Variants in GFRAL observed in about 807,000 individuals in gnomAD.
GFRAL encodes the protein GDNF family receptor alpha like, also known as GDNF family receptor alpha-like.
In GFRAL, 36 loss-of-function variants were observed where a neutral mutation model predicts 45.4. The ratio of observed to expected loss-of-function variants is 0.79; its 90% CI spans 0.61 to 1.05. The LOEUF is 1.05. Ranked by LOEUF, GFRAL falls within the 50% of genes least tolerant of loss-of-function variation. GFRAL has a pLI of 0.00. For missense variants in GFRAL, 507 were observed against 467.5 expected (o/e 1.08, Z -0.78); for synonymous variants, 166 against 154.1 (o/e 1.08, Z -0.57).
At chr6:55,375,875 C>T (rs12660612) in intron 6 of GFRAL, among the ~76,000 whole-genome samples, 20,161 of 152,030 alleles carry the variant, frequency 0.13, 2,057 homozygotes, top group East Asian at 0.37. Flanking sequence ...ATTTCCCTGG[C>T]CAGAAATTCC....
At chr6:55,397,524 C>CAA (rs70986715) in intron 6 of GFRAL, among the ~76,000 whole-genome samples, 19,052 of 67,244 alleles carry the variant, frequency 0.28, 4,963 homozygotes, top group Middle Eastern at 0.38. Context: ...GACTCCGTCT[C>CAA]AAAAAAAAAA....
chr6:55,382,716 T>C (rs1240943544), intron 6 of GFRAL, among the ~76,000 whole-genome samples: 1 of 151,910 alleles, frequency 6.6e-6, no homozygotes, highest in Non-Finnish European at 1.5e-5. Context: ...CCAATGTGTC[T>C]GGGTTCAAAT....
chr6:55,367,423 A>G (rs1392824831), intron 6 of GFRAL, among the ~76,000 whole-genome samples: 1 of 144,440 alleles, frequency 6.9e-6, no homozygotes, highest in African/African-American at 2.7e-5. Context: ...TTTTAATTGG[A>G]GCATTTAGTC....
At chr6:55,360,139 C>G (rs1278765184) in intron 6 of GFRAL, among the ~76,000 whole-genome samples, 1 of 151,974 alleles carries the variant, frequency 6.6e-6, no homozygotes, top group Non-Finnish European at 1.5e-5. Flanking sequence ...GAAGGACTTT[C>G]ATGAGTCTTA....
intron 6 of GFRAL, among the ~76,000 whole-genome samples, chr6:55,398,654 A>T (rs1768857229): frequency 6.6e-6 from 1 of 152,210 alleles, no homozygotes; most frequent in Non-Finnish European, 1.5e-5. Flanking sequence ...TATTTCTCAG[A>T]AACATGGCCA....
intron 5 of GFRAL, among the ~76,000 whole-genome samples, chr6:55,355,090 T>C (rs919638663): frequency 7.2e-5 from 11 of 152,038 alleles, no homozygotes; most frequent in Admixed American, 6.6e-4. Flanking sequence ...ATGTATGCAT[T>C]ATTTAATTGA....
chr6:55,360,119 T>TAATGGTCAAG (rs1253540047), intron 6 of GFRAL, among the ~76,000 whole-genome samples: 1 of 152,008 alleles, frequency 6.6e-6, no homozygotes, highest in Non-Finnish European at 1.5e-5. Flanking sequence ...CAAAGTGAGC[T>TAATGGTCAAG]AATGGTCAAG....
chr6:55,353,354 T>C (rs538500295), intron 5 of GFRAL, among the ~76,000 whole-genome samples: 2 of 152,236 alleles, frequency 1.3e-5, no homozygotes, highest in African/African-American at 4.8e-5. Context: ...TCACTCTAAC[T>C]GGCAAAGTAG....
At chr6:55,400,101 A>C (rs1204959869) in intron 8 of GFRAL, among the ~76,000 whole-genome samples, 1 of 151,992 alleles carries the variant, frequency 6.6e-6, no homozygotes, top group Non-Finnish European at 1.5e-5. Context: ...AAATTTTTCC[A>C]CTTATTTAGC....
intron 3 of GFRAL, among the ~76,000 whole-genome samples, chr6:55,338,307 C>T (rs1767917512): frequency 6.6e-6 from 1 of 152,056 alleles, no homozygotes; most frequent in Non-Finnish European, 1.5e-5. Flanking sequence ...CCAGGCTGGT[C>T]TTGAGCTCCT....
chr6:55,337,177 G>T (rs1338287533), intron 3 of GFRAL, among the ~76,000 whole-genome samples: 1 of 151,934 alleles, frequency 6.6e-6, no homozygotes, highest in South Asian at 2.1e-4. Context: ...GTCCTGCCAA[G>T]CTTGATCACA....
chr6:55,378,635 A>G (rs1291930281), intron 6 of GFRAL, among the ~76,000 whole-genome samples: 1 of 151,900 alleles, frequency 6.6e-6, no homozygotes, highest in East Asian at 1.9e-4. Flanking sequence ...TGCCACTACC[A>G]TGGGTACTTC....
intron 3 of GFRAL, among the ~76,000 whole-genome samples, chr6:55,341,751 T>C (rs990310133): frequency 2.6e-5 from 4 of 151,996 alleles, no homozygotes; most frequent in African/African-American, 7.2e-5. Flanking sequence ...TTCGAACCCA[T>C]TGAAAAGAAG....
chr6:55,330,679 A>G (rs1304036884), intron 1 of GFRAL, among the ~76,000 whole-genome samples: 1 of 152,146 alleles, frequency 6.6e-6, no homozygotes. Flanking sequence ...TCCAGATTGC[A>G]CATGGTGAGG....
At chr6:55,361,553 C>T (rs1768275837) in intron 6 of GFRAL, among the ~76,000 whole-genome samples, 1 of 151,036 alleles carries the variant, frequency 6.6e-6, no homozygotes, top group South Asian at 2.1e-4. Flanking sequence ...ATATTTTGAT[C>T]CAAAGTTGGT....
In GFRAL at chr6:55,351,369, G is replaced by A. The variant is rs866995388; in HGVS notation, c.487G>A (p.Asp163Asn). Residue 163 changes from aspartate to asparagine, a missense_variant, in exon 5 of 9, where the codon GAT becomes AAT. Asp to Asn is a conservative substitution (Grantham distance 23). Transcript: ENST00000340465. ...KACSANGNPC[D>N]LKQCQAAIRF... is the part of the protein sequence containing the mutation. ...TTGCTCAGCAAATGGAAATCCGTGT[G>A]ATCTGAAACAGTGCCAAGCAGCCAT... 1 of 1,613,666 alleles carries A rather than the reference G, an allele frequency of 6.2e-7. No homozygotes were observed. Among genetic ancestry groups the A allele is most frequent in the Non-Finnish European group, 8.5e-7 (1 of 1,179,742 alleles).
chr6:55,334,354 A>G (rs573912220), intron 3 of GFRAL, among the ~76,000 whole-genome samples: 2 of 152,328 alleles, frequency 1.3e-5, no homozygotes, highest in Non-Finnish European at 2.9e-5. Flanking sequence ...TAAGGAACTC[A>G]GTGTCTCCTG....
In GFRAL at chr6:55,388,787, T is replaced by C. The variant is rs1313730343; in HGVS notation, c.953-10393T>C. On this transcript the variant is annotated intron_variant, in intron 6 of 8. Transcript: ENST00000340465. Reference sequence around the variant, plus strand: ...GTAACATCTCTTACTGATCCAAATATGTTTTTCTTCAGTTGGTAAAACTGG... The same window carrying C: ...GTAACATCTCTTACTGATCCAAATACGTTTTTCTTCAGTTGGTAAAACTGG... Among the ~76,000 whole-genome samples, 4 of 152,214 alleles carry C rather than the reference T, an allele frequency of 2.6e-5. No individual in the cohort carries two copies. The East Asian group carries it at 5.8e-4, about 22-fold the overall frequency.
At chr6:55,360,248 C>T (rs1768255302) in intron 6 of GFRAL, among the ~76,000 whole-genome samples, 1 of 151,870 alleles carries the variant, frequency 6.6e-6, no homozygotes, top group Non-Finnish European at 1.5e-5. Flanking sequence ...CCCAAACTTC[C>T]CCAGGCCCCT....
Sources: allele counts gnomAD v4.1 joint callset (sites outside exome capture counted in the v4.1 genomes callset), GRCh38; gene constraint gnomAD v4.1.1; transcripts MANE v1.5; gene names NCBI Gene and HGNC (gene_info 2026-07-23, HGNC 2026-07-21).